Variants in PCDH11X observed in about 807,000 individuals in gnomAD.
The protein encoded by PCDH11X is protocadherin-11 X-linked.
In PCDH11X, 18 loss-of-function variants were observed where a neutral mutation model predicts 53.3. The ratio of observed to expected loss-of-function variants is 0.34; its 90% CI spans 0.23 to 0.50. The LOEUF is 0.50. Among genes scored for constraint, PCDH11X ranks in the 20% least tolerant of loss-of-function variants. The pLI is 0.98. For synonymous variants in PCDH11X, 279 were observed against 393.3 expected (o/e 0.71, Z 3.44); for missense variants, 570 against 1,032.4 (o/e 0.55, Z 6.14).
intron 6 of PCDH11X, among the ~76,000 whole-genome samples, chrX:92,176,884 G>A (rs2065917351): frequency 9.0e-6 from 1 of 111,154 alleles, no homozygotes; most frequent in Non-Finnish European, 1.9e-5. Context: ...CACTTTTTGC[G>A]GGTGTTGGGA....
intron 5 of PCDH11X, among the ~76,000 whole-genome samples, chrX:91,873,253 G>C (rs1939421505): frequency 9.1e-6 from 1 of 110,273 alleles, no homozygotes; most frequent in South Asian, 3.9e-4. Flanking sequence ...TAATGAAAAT[G>C]TTCTACATCT....
chrX:92,052,118 T>C (rs1400053295), intron 6 of PCDH11X, among the ~76,000 whole-genome samples: 1 of 111,843 alleles, frequency 8.9e-6, no homozygotes, highest in East Asian at 2.8e-4. Context: ...GGAGTTGGAA[T>C]GAATGTCCCA....
At chrX:92,499,118 T>C (rs2073911949) in intron 10 of PCDH11X, among the ~76,000 whole-genome samples, 1 of 107,900 alleles carries the variant, frequency 9.3e-6, no homozygotes. Flanking sequence ...TCATTCTAGT[T>C]CTTTTCATAT....
chrX:92,371,058 A>G (rs1313290593), intron 8 of PCDH11X, among the ~76,000 whole-genome samples: 2 of 111,648 alleles, frequency 1.8e-5, no homozygotes, highest in Non-Finnish European at 3.8e-5. Flanking sequence ...TGCATGGACT[A>G]TCTGTTTTCA....
At chrX:92,247,482 A>T (rs916598529) in intron 7 of PCDH11X, among the ~76,000 whole-genome samples, 15 of 112,047 alleles carry the variant, frequency 1.3e-4, no homozygotes, top group Non-Finnish European at 1.9e-5. Flanking sequence ...ATTGCCACGA[A>T]GTTTGGTGGC....
At chrX:92,227,776 G>A (rs1000970270) in intron 7 of PCDH11X, among the ~76,000 whole-genome samples, 3 of 110,782 alleles carry the variant, frequency 2.7e-5, no homozygotes, top group Non-Finnish European at 3.8e-5. Context: ...TATACTAGGA[G>A]CCTATTGAAA....
chrX:92,537,524 G>A (rs2074681656), intron 10 of PCDH11X, among the ~76,000 whole-genome samples: 1 of 109,286 alleles, frequency 9.2e-6, no homozygotes, highest in African/African-American at 3.3e-5. Context: ...AAATTTATAT[G>A]GAACCCTGTA....
chrX:91,886,879 G>A (rs1940233583), intron 6 of PCDH11X, among the ~76,000 whole-genome samples: 1 of 105,669 alleles, frequency 9.5e-6, no homozygotes, highest in Non-Finnish European at 1.9e-5. Flanking sequence ...GCTGAGGCAG[G>A]AGAATGGCAT....
chrX:92,247,400 GC>G (rs1345335968), intron 7 of PCDH11X, among the ~76,000 whole-genome samples: 1 of 111,816 alleles, frequency 8.9e-6, no homozygotes, highest in Non-Finnish European at 1.9e-5. Context: ...TTTCTGACTA[GC>G]TTCCTCTTTT....
intron 6 of PCDH11X, among the ~76,000 whole-genome samples, chrX:92,108,133 C>T (rs1351190611): frequency 8.9e-6 from 1 of 111,743 alleles, no homozygotes; most frequent in African/African-American, 3.3e-5. Flanking sequence ...TGAAAACATA[C>T]CTGGTTCAAA....
chrX:92,119,203 T>C (rs1361663921), intron 6 of PCDH11X, among the ~76,000 whole-genome samples: 3 of 110,485 alleles, frequency 2.7e-5, no homozygotes, highest in Non-Finnish European at 5.7e-5. Flanking sequence ...CATCCCAGGC[T>C]CAAGCAATTT....
At chrX:92,215,202 A>G (rs970430131) in intron 7 of PCDH11X, among the ~76,000 whole-genome samples, 1 of 110,464 alleles carries the variant, frequency 9.1e-6, no homozygotes, top group Non-Finnish European at 1.9e-5. Context: ...CAGTGGGCGC[A>G]GGACAGTGGT....
intron 6 of PCDH11X, among the ~76,000 whole-genome samples, chrX:92,102,088 G>T (rs1225511118): frequency 9.1e-6 from 1 of 110,492 alleles, no homozygotes; most frequent in Non-Finnish European, 1.9e-5. Flanking sequence ...TACAATCGTG[G>T]GGGTCAGGTG....
rs771817648 is a variant in PCDH11X, at chrX:91,824,464, C to T, written c.-44-10997C>T. Among the ~76,000 whole-genome samples the T allele has an allele frequency of 3.3e-3, 365 of 111,367 alleles. 1 individual carries two copies. The highest frequency in any genetic ancestry group is 0.011 in the African/African-American group (349 of 30,465). Reference sequence around the variant, plus strand: ...TGATACCCTTTCTTCCAGTTGATCGCATCGGCTCCTGAGGCTTCTGCATTC... The same window carrying T: ...TGATACCCTTTCTTCCAGTTGATCGTATCGGCTCCTGAGGCTTCTGCATTC... On this transcript the variant is annotated intron_variant, in intron 4 of 10. Coordinates refer to ENST00000682573, the MANE Select transcript of PCDH11X (RefSeq NM_032968.5).
At chrX:92,243,406 A>G (rs990027897) in intron 7 of PCDH11X, among the ~76,000 whole-genome samples, 3 of 110,360 alleles carry the variant, frequency 2.7e-5, no homozygotes, top group African/African-American at 9.9e-5. Context: ...TCAAAAATCG[A>G]TCAGACATTT....
chrX:91,819,454 C>T (rs997543410), intron 4 of PCDH11X, among the ~76,000 whole-genome samples: 3 of 109,906 alleles, frequency 2.7e-5, no homozygotes, highest in Non-Finnish European at 3.8e-5. Context: ...TATACTCTTA[C>T]CAGAAAATTT....
intron 10 of PCDH11X, among the ~76,000 whole-genome samples, chrX:92,561,440 T>G (rs2148762422): frequency 1.3e-5 from 1 of 75,878 alleles, no homozygotes; most frequent in South Asian, 9.0e-4. Flanking sequence ...TACCAATAAA[T>G]TTAACAAAGA....
At chrX:92,536,449 A>AT (rs1344802652) in intron 10 of PCDH11X, among the ~76,000 whole-genome samples, 1 of 109,891 alleles carries the variant, frequency 9.1e-6, no homozygotes. Context: ...ATATATACTG[A>AT]TTTTTTCTTT....
chrX:92,563,946 A>G (rs1230294545), intron 10 of PCDH11X, among the ~76,000 whole-genome samples: 5 of 111,186 alleles, frequency 4.5e-5, no homozygotes, highest in African/African-American at 6.5e-5. Flanking sequence ...CGAAGTCAGT[A>G]TACAGAAATC....
Sources: allele counts gnomAD v4.1 joint callset (sites outside exome capture counted in the v4.1 genomes callset), GRCh38; gene constraint gnomAD v4.1.1; transcripts MANE v1.5; gene names NCBI Gene and HGNC (gene_info 2026-07-23, HGNC 2026-07-21).